The following UBE2B variants were observed in gnomAD, a reference collection of about 807,000 sequenced individuals.
UBE2B encodes ubiquitin-conjugating enzyme E2 B.
UBE2B carries 11 observed loss-of-function variants against 24.6 expected under a neutral mutation model. That is an observed-to-expected ratio of 0.45 (90% confidence interval 0.28 to 0.74). The LOEUF is 0.74. UBE2B is among the 30% of genes least tolerant of loss of function. The probability of loss-of-function intolerance (pLI) is 0.13; values close to 1 mark genes in which losing one functional copy is unlikely to be tolerated. For synonymous variants in UBE2B, 68 were observed against 62.4 expected (o/e 1.09, Z -0.42); for missense variants, 78 against 185.6 (o/e 0.42, Z 3.37).
intron 4 of UBE2B, among the ~76,000 whole-genome samples, chr5:134,384,200 C>T (rs538698051): frequency 2.0e-5 from 3 of 152,266 alleles, no homozygotes; most frequent in South Asian, 2.1e-4. Context: ...TCCTCTTGGT[C>T]GTGTCTCTAG....
intron 1 of UBE2B, among the ~76,000 whole-genome samples, chr5:134,372,023 T>G (rs1758454355): frequency 6.6e-6 from 1 of 152,186 alleles, no homozygotes; most frequent in African/African-American, 2.4e-5. Flanking sequence ...CTTGTTCCTC[T>G]CCGGCAGCAC....
chr5:134,386,105 T>C (rs907052443), intron 4 of UBE2B, among the ~76,000 whole-genome samples: 27 of 151,252 alleles, frequency 1.8e-4, no homozygotes, highest in Admixed American at 5.3e-4. Context: ...GGTGGGCAGA[T>C]CACCTGAGGT....
chr5:134,387,828 G>A (rs1279944075), intron 4 of UBE2B, among the ~76,000 whole-genome samples: 1 of 151,886 alleles, frequency 6.6e-6, no homozygotes, highest in Non-Finnish European at 1.5e-5. Context: ...TTTGAGACAG[G>A]TTCTTACCCT....
intron 1 of UBE2B, among the ~76,000 whole-genome samples, chr5:134,373,461 A>G (rs1461686260): frequency 6.6e-5 from 10 of 152,222 alleles, no homozygotes; most frequent in Middle Eastern, 3.4e-3. Context: ...AGGACAGTCT[A>G]TATACATCAA....
Position 134,388,389 on chromosome 5 carries a change from A to T in UBE2B, c.306A>T (p.Val102=). 6.2e-7 allele frequency: 1 copy of T among 1,613,970 alleles called. No homozygotes were observed. Among genetic ancestry groups the T allele is most frequent in the East Asian group, 2.2e-5 (1 of 44,866 alleles). Residue 102 remains valine, a synonymous_variant, in exon 5 of 6, where the codon GTA becomes GTT. Transcript: ENST00000265339. ...ATCGATGGAGTCCAACATATGATGTATCTTCTATCTTAACATCAATTCAGG... is the reference window on the plus strand; with the variant it reads ...ATCGATGGAGTCCAACATATGATGTTTCTTCTATCTTAACATCAATTCAGG... ...LQNRWSPTYD[V]SSILTSIQSL...
intron 4 of UBE2B, among the ~76,000 whole-genome samples, chr5:134,386,466 T>C (rs374153337): frequency 7.9e-5 from 12 of 152,030 alleles, no homozygotes; most frequent in African/African-American, 2.9e-4. Flanking sequence ...ACCCCGTCTC[T>C]ACTAAAAATG....
chr5:134,388,879 G>A, intron 5 of UBE2B: 1 of 320,834 alleles, frequency 3.1e-6, no homozygotes, highest in South Asian at 2.5e-5. Flanking sequence ...GGATTTGAGA[G>A]GAGCAGAAAT....
At chr5:134,380,689 T>G in intron 3 of UBE2B, 30 bp from the exon 4 acceptor site, 1 of 1,313,556 alleles carries the variant, frequency 7.6e-7, no homozygotes, top group Non-Finnish European at 1.1e-6. Context: ...CGTGCTTGTC[T>G]TTACTATAAT....
intron 4 of UBE2B, 52 bp downstream of exon 4, chr5:134,380,860 T>C (rs977136691): frequency 1.6e-6 from 2 of 1,277,234 alleles, no homozygotes; most frequent in Non-Finnish European, 2.3e-6. Context: ...AAGAGTTGTT[T>C]CCCTCCTTTT....
chr5:134,372,139 G>T (rs1186431744), intron 1 of UBE2B, among the ~76,000 whole-genome samples: 1 of 152,190 alleles, frequency 6.6e-6, no homozygotes, highest in Non-Finnish European at 1.5e-5. Context: ...CCTGAGGGTG[G>T]GGTCCAGTGC....
chr5:134,372,680 CTT>C (rs893671985), intron 1 of UBE2B, among the ~76,000 whole-genome samples: 1 of 152,248 alleles, frequency 6.6e-6, no homozygotes, highest in East Asian at 1.9e-4. Context: ...CGTAGCTTCT[CTT>C]AGCCATTTAA....
chr5:134,381,521 T>G (rs1207800273), intron 4 of UBE2B, among the ~76,000 whole-genome samples: 1 of 152,150 alleles, frequency 6.6e-6, no homozygotes, highest in Non-Finnish European at 1.5e-5. Context: ...GTCCTCCCAC[T>G]TTGACCTCCC....
chr5:134,383,313 A>T (rs1192437801), intron 4 of UBE2B, among the ~76,000 whole-genome samples: 2 of 152,018 alleles, frequency 1.3e-5, no homozygotes, highest in African/African-American at 2.4e-5. Flanking sequence ...AAATCTTAAA[A>T]ATTTTTTTGT....
chr5:134,386,959 CTTTT>C (rs1159258859), intron 4 of UBE2B, among the ~76,000 whole-genome samples: 1 of 133,286 alleles, frequency 7.5e-6, no homozygotes. Context: ...TAGTTTTTCA[CTTTT>C]TTTTTTTTTT....
At chr5:134,388,111 T>A in intron 4 of UBE2B, 1 of 567,838 alleles carries the variant, frequency 1.8e-6, no homozygotes, top group Non-Finnish European at 3.2e-6. Flanking sequence ...CTCCAGCAAT[T>A]ACATTTCAAC....
chr5:134,390,505 G>A lies in UBE2B; in HGVS notation c.*152G>A, dbSNP rs1758883431. The A allele has an allele frequency of 2.4e-6, 2 of 848,798 alleles. No individual in the cohort carries two copies. Among genetic ancestry groups the A allele is most frequent in the East Asian group, 2.8e-5 (1 of 36,206 alleles). The allele number at this position is 848,798 out of a possible 1,614,324, so 52.6% of individuals were successfully genotyped here. A position where few individuals can be genotyped will look rare whatever the true frequency, so the allele number is the denominator to read the frequency against. ...CAGTTTAGAACCTACAAAAGCTTGT[G>A]TATCTTGATTAATGTACTTTTTATT... On this transcript the variant is annotated 3_prime_UTR_variant, in exon 6 of 6. Transcript: ENST00000265339. The surrounding 1 kb of genome is among the most constrained non-coding windows in gnomAD (Gnocchi z 4.6).
intron 4 of UBE2B, among the ~76,000 whole-genome samples, chr5:134,385,037 T>C (rs1758774558): frequency 6.6e-6 from 1 of 152,230 alleles, no homozygotes; most frequent in Non-Finnish European, 1.5e-5. Context: ...CTGTGATTCA[T>C]TTTTTATTGT....
intron 1 of UBE2B, 99 bp from the exon 2 acceptor site, chr5:134,374,284 T>C: frequency 9.4e-7 from 1 of 1,060,152 alleles, no homozygotes; most frequent in Admixed American, 2.0e-5. Flanking sequence ...GGAGTTAGTC[T>C]GTGTCTCAAA....
At chr5:134,372,204 T>C (rs568216169) in intron 1 of UBE2B, among the ~76,000 whole-genome samples, 191 of 152,302 alleles carry the variant, frequency 1.3e-3, no homozygotes, top group African/African-American at 4.5e-3. Context: ...CCCGCCCGCC[T>C]GAAAGGACCT....
Sources: allele counts gnomAD v4.1 joint callset (sites outside exome capture counted in the v4.1 genomes callset), GRCh38; gene constraint gnomAD v4.1.1; non-coding constraint Gnocchi (gnomAD v3.1); transcripts MANE v1.5; gene names NCBI Gene and HGNC (gene_info 2026-07-23, HGNC 2026-07-21).